The following UGT2B4 variants were observed in gnomAD, a reference collection of about 807,000 sequenced individuals.
The protein encoded by UGT2B4 is UDP glucuronosyltransferase family 2 member B4.
In UGT2B4, 49 loss-of-function variants were observed where a neutral mutation model predicts 49.8. The observed-to-expected ratio is 0.98, with a 90% CI of 0.78 to 1.25. The LOEUF (loss-of-function observed/expected upper bound fraction) is 1.25. Ranked by LOEUF, UGT2B4 falls within the 50% of genes most tolerant of loss-of-function variation. UGT2B4 has a pLI of 0.00. For synonymous variants in UGT2B4, 246 were observed against 217.7 expected, an observed-to-expected ratio of 1.13 and a Z score of -1.14; for missense variants, 729 against 627.7, an observed-to-expected ratio of 1.16 and a Z score of -1.73.
chr4:69,502,130 T>TTTCTTTCTTTC (rs1491472846), intron 1 of UGT2B4, among the ~76,000 whole-genome samples: 20 of 143,290 alleles, frequency 1.4e-4, no homozygotes, highest in African/African-American at 4.2e-4. Context: ...TCTTTCTTTC[T>TTTCTTTCTTTC]TTCTTTCTTT....
upstream of UGT2B4, among the ~76,000 whole-genome samples, chr4:69,500,573 G>A (rs1189523303): frequency 6.9e-6 from 1 of 144,454 alleles, no homozygotes; most frequent in Non-Finnish European, 1.5e-5. Flanking sequence ...AGAAAAGAAA[G>A]CAAGAAAGCA....
At chr4:69,480,971 G>T in intron 5 of UGT2B4, 61 bp from the exon 6 acceptor site, 1 of 1,567,692 alleles carries the variant, frequency 6.4e-7, no homozygotes, top group Non-Finnish European at 8.7e-7. Context: ...AGGCACGGAG[G>T]CTCACACCTG....
chr4:69,519,980 AT>A (rs1728810868), intron 1 of UGT2B4, among the ~76,000 whole-genome samples: 1 of 152,230 alleles, frequency 6.6e-6, no homozygotes, highest in African/African-American at 2.4e-5. Flanking sequence ...TAAAAATGAA[AT>A]ATAGTATCTC....
chr4:69,515,433 A>G (rs1313961960), intron 1 of UGT2B4, among the ~76,000 whole-genome samples: 1 of 152,204 alleles, frequency 6.6e-6, no homozygotes, highest in Non-Finnish European at 1.5e-5. Flanking sequence ...GAATAAAATT[A>G]AGGCAGAAGT....
At chr4:69,518,566 T>C (rs1048511560) in intron 1 of UGT2B4, among the ~76,000 whole-genome samples, 4 of 152,182 alleles carry the variant, frequency 2.6e-5, no homozygotes, top group African/African-American at 7.2e-5. Context: ...AAATACAATA[T>C]GTCAGGGAAA....
chr4:69,514,131 G>GCACAAT (rs1259293746), intron 1 of UGT2B4, among the ~76,000 whole-genome samples: 1 of 151,786 alleles, frequency 6.6e-6, no homozygotes, highest in African/African-American at 2.4e-5. Context: ...GGGTACATGT[G>GCACAAT]CACAATGTGC....
intron 1 of UGT2B4, among the ~76,000 whole-genome samples, chr4:69,504,340 C>T (rs1728417953): frequency 6.6e-6 from 1 of 152,062 alleles, no homozygotes; most frequent in African/African-American, 2.4e-5. Flanking sequence ...AATAAATTAT[C>T]ATAGGAGCAA....
intron 1 of UGT2B4, among the ~76,000 whole-genome samples, chr4:69,507,099 C>T (rs1469996012): frequency 6.6e-6 from 1 of 152,102 alleles, no homozygotes; most frequent in Admixed American, 6.5e-5. Context: ...ACATCTATGA[C>T]AAACCCACAG....
chr4:69,487,407 G>C (rs1416650878), intron 3 of UGT2B4, among the ~76,000 whole-genome samples: 1 of 152,142 alleles, frequency 6.6e-6, no homozygotes, highest in Non-Finnish European at 1.5e-5. Context: ...GAAATATTAT[G>C]TAGCCATAAA....
chr4:69,516,857 C>T (rs1728746942), intron 1 of UGT2B4, among the ~76,000 whole-genome samples: 1 of 151,090 alleles, frequency 6.6e-6, no homozygotes, highest in South Asian at 2.1e-4. Context: ...ATTTGCCCGC[C>T]TTACGCTCCC....
intron 2 of UGT2B4, among the ~76,000 whole-genome samples, chr4:69,491,172 T>C (rs1212864260): frequency 6.7e-6 from 1 of 149,042 alleles, no homozygotes; most frequent in Non-Finnish European, 1.5e-5. Context: ...TCTGATTGTA[T>C]ATACCTTTTC....
chr4:69,511,719 T>A (rs181126004), intron 1 of UGT2B4, among the ~76,000 whole-genome samples: 25 of 152,286 alleles, frequency 1.6e-4, no homozygotes, highest in Admixed American at 1.6e-3. Context: ...CTTTTCAGAT[T>A]TTTGGAAAAG....
intron 3 of UGT2B4, among the ~76,000 whole-genome samples, chr4:69,487,349 C>T (rs1577882812): frequency 6.6e-6 from 1 of 152,106 alleles, no homozygotes; most frequent in African/African-American, 2.4e-5. Flanking sequence ...AATCTAAATG[C>T]CCATCAATGA....
At chr4:69,491,396 A>G (rs1181681551) in intron 2 of UGT2B4, among the ~76,000 whole-genome samples, 1 of 152,054 alleles carries the variant, frequency 6.6e-6, no homozygotes, top group Non-Finnish European at 1.5e-5. Context: ...TTAAATATGT[A>G]CATCTTGATT....
intron 1 of UGT2B4, among the ~76,000 whole-genome samples, chr4:69,506,284 A>C (rs964389444): frequency 2.6e-5 from 4 of 152,166 alleles, no homozygotes; most frequent in African/African-American, 7.2e-5. Context: ...AAATGAATCA[A>C]GAATCTGGGT....
At position 69,495,239 on chromosome 4, in the gene UGT2B4, A is replaced by G. The variant is rs1323214642; in HGVS notation, c.623T>C (p.Ile208Thr). ...ATAGATCATATTTTTTACCCTCTCT[A>G]TGAAAGTCATTTGGTCACTTAGTTC... ...MSELSDQMTF[I>T]ERVKNMIYVL... Residue 208 changes from isoleucine (I) to threonine (T), a missense_variant, in exon 1 of 6, where the codon ATA becomes ACA. Ile to Thr is a moderately conservative substitution (Grantham distance 89). Coordinates refer to ENST00000305107, the MANE Select transcript of UGT2B4 (RefSeq NM_021139.3). 1.9e-6 allele frequency: 3 copies of G among 1,611,514 alleles called. No individual in the cohort carries two copies. Among genetic ancestry groups the G allele is most frequent in the African/African-American group, 2.7e-5 (2 of 74,744 alleles).
intron 1 of UGT2B4, among the ~76,000 whole-genome samples, chr4:69,504,800 C>T (rs1220649899): frequency 6.6e-6 from 1 of 151,872 alleles, no homozygotes; most frequent in African/African-American, 2.4e-5. Context: ...ACAAAATTAT[C>T]AGATTCTTCT....
At chr4:69,480,963 G>T (rs1727569188) in intron 5 of UGT2B4, 53 bp from the exon 6 acceptor site, 1 of 1,583,882 alleles carries the variant, frequency 6.3e-7, no homozygotes, top group African/African-American at 1.3e-5. Flanking sequence ...ATTTGGCCAG[G>T]CACGGAGGCT....
Position 69,485,279 on chromosome 4 carries a change from A to G in UGT2B4, c.1239T>C (p.Val413=). The change falls in exon 5 of 6, where the codon GTT becomes GTC. Residue 413 remains valine (V), a synonymous_variant. Transcript: ENST00000305107. The part of the protein sequence containing the change: ...IAHMKAKGAA[V]SLDFHTMSST... ...TCGACATTGTGTGGAAGTCCAAACT[A>G]ACAGCTGCTCCCTTGGCCTTCATGT... The G allele has an allele frequency of 6.2e-7, 1 of 1,613,928 alleles. No individual in the cohort carries two copies. Among genetic ancestry groups the G allele is most frequent in the Non-Finnish European group, 8.5e-7 (1 of 1,179,864 alleles).
Sources: gnomAD v4.1 joint callset for allele counts (sites outside exome capture counted in the v4.1 genomes callset) on GRCh38, gnomAD v4.1.1 for gene constraint, MANE v1.5 for transcripts, NCBI Gene and HGNC (gene_info 2026-07-23, HGNC 2026-07-21) for gene names.